Variants in TYR observed in about 807,000 individuals in gnomAD.
TYR encodes tyrosinase.
Under a neutral mutation model 51.5 loss-of-function variants are expected in TYR, and 58 were observed. The ratio of observed to expected loss-of-function variants is 1.13; its 90% CI spans 0.91 to 1.40. TYR has a LOEUF of 1.40. Among genes scored for constraint, TYR ranks in the 40% most tolerant of loss-of-function variants. TYR has a pLI of 0.00. For synonymous variants in TYR, 263 were observed against 235.2 expected, an observed-to-expected ratio of 1.12 and a Z score of -1.08; for missense variants, 732 against 647.4, an observed-to-expected ratio of 1.13 and a Z score of -1.42.
In TYR at chr11:89,185,908, T is replaced by C. The variant is rs750391242; in HGVS notation, c.820-5294T>C. 5.0e-4 allele frequency among the ~76,000 whole-genome samples: 76 copies of C among 152,282 alleles called. No individual in the cohort carries two copies. In the Middle Eastern group the frequency reaches 0.014, roughly 27 times the overall value. ...GTTTATTCTTCTGCCTCCATATAAA[T>C]GAAACTACAAGAAAAATAATTTGGT... On this transcript the variant is annotated intron_variant, in intron 1 of 4. Coordinates refer to ENST00000263321, the MANE Select transcript of TYR (RefSeq NM_000372.5).
intron 1 of TYR, among the ~76,000 whole-genome samples, chr11:89,190,639 G>GAT (rs1032804553): frequency 3.0e-4 from 45 of 151,732 alleles, no homozygotes; most frequent in Admixed American, 2.6e-3. Flanking sequence ...TAATGTAGCC[G>GAT]ATATATATAT....
chr11:89,281,476 C>T (rs1254914643), intron 3 of TYR, among the ~76,000 whole-genome samples: 1 of 151,656 alleles, frequency 6.6e-6, no homozygotes, highest in Non-Finnish European at 1.5e-5. Flanking sequence ...ACAGCAGCAC[C>T]CAGGAATTTC....
At chr11:89,280,264 A>G (rs1016593743) in intron 3 of TYR, among the ~76,000 whole-genome samples, 3 of 151,550 alleles carry the variant, frequency 2.0e-5, no homozygotes, top group Non-Finnish European at 4.4e-5. Flanking sequence ...TGTTCTGCCT[A>G]CTTTTTCTTC....
chr11:89,177,899 A>G lies in TYR; in HGVS notation c.-55A>G. ...CACTGTAGTAGTAGCTGGAAAGAGA[A>G]ATCTGTGACTCCAATTAGCCAGTTC... On this transcript the variant is annotated 5_prime_UTR_variant, in exon 1 of 5. Coordinates refer to ENST00000263321, the MANE Select transcript of TYR (RefSeq NM_000372.5). 1.9e-6 allele frequency: 3 copies of G among 1,572,002 alleles called. No individual in the cohort carries two copies. In the South Asian group the frequency reaches 3.3e-5, roughly 17 times the overall value.
chr11:89,242,365 G>A (rs1416156538), intron 3 of TYR, among the ~76,000 whole-genome samples: 4 of 137,126 alleles, frequency 2.9e-5, no homozygotes, highest in Non-Finnish European at 4.7e-5. Context: ...CCACCACCAC[G>A]CCCAGCTAAT....
intron 2 of TYR, among the ~76,000 whole-genome samples, chr11:89,223,626 A>G (rs915295233): frequency 6.6e-6 from 1 of 152,124 alleles, no homozygotes; most frequent in African/African-American, 2.4e-5. Flanking sequence ...AGAGTATTTT[A>G]TATTTGTTTA....
chr11:89,257,948 G>A (rs117644217), intron 3 of TYR, among the ~76,000 whole-genome samples: 10 of 152,098 alleles, frequency 6.6e-5, no homozygotes, highest in Non-Finnish European at 1.5e-4. Context: ...CTACTATGTA[G>A]CAACACCCCA....
chr11:89,240,366 A>C (rs1944176130), intron 3 of TYR, among the ~76,000 whole-genome samples: 1 of 152,200 alleles, frequency 6.6e-6, no homozygotes, highest in African/African-American at 2.4e-5. Context: ...AAGTGGAGAA[A>C]GAAACAAAAT....
At chr11:89,220,652 G>C (rs1286562040) in intron 2 of TYR, among the ~76,000 whole-genome samples, 1 of 152,108 alleles carries the variant, frequency 6.6e-6, no homozygotes, top group Non-Finnish European at 1.5e-5. Flanking sequence ...TACTCAGAAC[G>C]CTGAGGCAGA....
At position 89,232,712 on chromosome 11, in the gene TYR, GA is replaced by G. The variant is rs202046054; in HGVS notation, c.1184+4752del. 8.3e-3 allele frequency among the ~76,000 whole-genome samples: 1,133 copies of G among 136,096 alleles called. 197 individuals are homozygous for G. The highest frequency in any genetic ancestry group is 0.03 in the Admixed American group (417 of 13,832). 89.3% of individuals were successfully genotyped at this position (136,096 alleles called of 152,430 possible). On this transcript the variant is annotated intron_variant, in intron 3 of 4. Transcript: ENST00000263321. ...GTCCCCCGATTCTAAAATAAAAGTT[GA>G]AAAAAAAAATTAAAATTAAAATTAT... is the stretch of plus-strand genomic sequence containing the variant.
At position 89,178,307 on chromosome 11, in the gene TYR, G is replaced by A. The variant is rs1356236072; in HGVS notation, c.354G>A (p.Leu118=). ...CAAACTGCACAGAGAGACGACTCTT[G>A]GTGAGAAGAAACATCTTCGATTTGA... ...WGPNCTERRL[L]VRRNIFDLSA... is the part of the protein sequence containing the mutation. Residue 118 remains leucine, a synonymous_variant, in exon 1 of 5, where the codon TTG becomes TTA. Coordinates refer to ENST00000263321, the MANE Select transcript of TYR (RefSeq NM_000372.5). 1.9e-6 allele frequency: 3 copies of A among 1,613,996 alleles called. No individual in the cohort carries two copies. The highest frequency in any genetic ancestry group is 2.5e-6 in the Non-Finnish European group (3 of 1,180,030).
At chr11:89,287,389 T>TA (rs2135326279) in intron 4 of TYR, among the ~76,000 whole-genome samples, 1 of 152,098 alleles carries the variant, frequency 6.6e-6, no homozygotes, top group East Asian at 1.9e-4. Flanking sequence ...GGTTTTTTTT[T>TA]ATGTGTCTGT....
In TYR at chr11:89,237,388, A is replaced by G. The variant is rs145943488; in HGVS notation, c.1184+9418A>G. Among the ~76,000 whole-genome samples, 691 of 152,230 alleles carry G rather than the reference A, an allele frequency of 4.5e-3. 9 individuals are homozygous for G. The highest frequency in any genetic ancestry group is 0.012 in the East Asian group (62 of 5,180). On this transcript the variant is annotated intron_variant, in intron 3 of 4. Transcript: ENST00000263321. ...TGATTTGATTTTTATATATGGTGTG[A>G]GATAAGTGTCTAATTTCATTATTCT... is the stretch of plus-strand genomic sequence containing the variant.
chr11:89,197,107 G>C (rs1943529655), intron 2 of TYR, among the ~76,000 whole-genome samples: 1 of 152,168 alleles, frequency 6.6e-6, no homozygotes, highest in Admixed American at 6.5e-5. Context: ...GAGCAGAGAA[G>C]AGGAGGAGAG....
chr11:89,182,360 T>C (rs1325570148), intron 1 of TYR, among the ~76,000 whole-genome samples: 1 of 152,186 alleles, frequency 6.6e-6, no homozygotes, highest in Non-Finnish European at 1.5e-5. Flanking sequence ...AGTTTTTTTA[T>C]AGCACTGGAT....
At chr11:89,272,559 C>T (rs1431927777) in intron 3 of TYR, among the ~76,000 whole-genome samples, 2 of 151,860 alleles carry the variant, frequency 1.3e-5, no homozygotes, top group African/African-American at 2.4e-5. Context: ...ATGGCTTCAA[C>T]TGAATAAGCA....
At chr11:89,226,789 A>G (rs1372075993) in intron 2 of TYR, among the ~76,000 whole-genome samples, 1 of 152,042 alleles carries the variant, frequency 6.6e-6, no homozygotes, top group Non-Finnish European at 1.5e-5. Flanking sequence ...TCTTATTCAC[A>G]ATTTCTGCTT....
intron 3 of TYR, among the ~76,000 whole-genome samples, chr11:89,229,569 G>A (rs7941686): frequency 0.23 from 34,279 of 149,744 alleles, 6,128 homozygotes; most frequent in African/African-American, 0.51. Flanking sequence ...CAAAAAAAAA[G>A]AAAAAGAAAA....
At chr11:89,230,747 A>G (rs1944035609) in intron 3 of TYR, among the ~76,000 whole-genome samples, 1 of 152,124 alleles carries the variant, frequency 6.6e-6, no homozygotes, top group Non-Finnish European at 1.5e-5. Flanking sequence ...TCAAAAGAAG[A>G]TATGCAAACG....
Sources: gnomAD v4.1 joint callset for allele counts (sites outside exome capture counted in the v4.1 genomes callset) on GRCh38, gnomAD v4.1.1 for gene constraint, MANE v1.5 for transcripts, NCBI Gene and HGNC (gene_info 2026-07-23, HGNC 2026-07-21) for gene names.